Variants in GREB1L observed in about 807,000 individuals in gnomAD.
GREB1L encodes GREB1-like protein.
A neutral mutation model predicts 200.8 loss-of-function variants in GREB1L; 17 were observed. The observed-to-expected ratio is 0.08, with a 90% CI of 0.06 to 0.13. The LOEUF (loss-of-function observed/expected upper bound fraction) is 0.13, where lower values mean the gene tolerates loss of function less well. GREB1L is among the 10% of genes least tolerant of loss of function. GREB1L has a pLI of 1.00. For synonymous variants in GREB1L, 789 were observed against 893.0 expected, an observed-to-expected ratio of 0.88 and a Z score of 2.08; for missense variants, 1,657 against 2,367.7, an observed-to-expected ratio of 0.70 and a Z score of 6.23.
Position 21,327,956 on chromosome 18 carries a change from C to T in GREB1L, c.-119-38071C>T, listed in dbSNP as rs187581399. On this transcript the variant is annotated intron_variant, in intron 1 of 32. Coordinates refer to ENST00000424526, the MANE Select transcript of GREB1L (RefSeq NM_001142966.3). ...GTCTTGATCTCCTGACCTCGTGATC[C>T]GCCCGCCTCAGCCTCCCAAAGTGCT... is the stretch of plus-strand genomic sequence containing the variant. Among the ~76,000 whole-genome samples, 95 of 152,216 alleles carry T rather than the reference C, an allele frequency of 6.2e-4. 1 individual carries two copies. Among genetic ancestry groups the T allele is most frequent in the African/African-American group, 2.1e-3 (87 of 41,542 alleles).
chr18:21,252,007 T>C (rs1450871042), intron 1 of GREB1L, among the ~76,000 whole-genome samples: 1 of 150,620 alleles, frequency 6.6e-6, no homozygotes, highest in African/African-American at 2.5e-5. Context: ...AAAATGGTAA[T>C]AAAATATTTT....
intron 1 of GREB1L, among the ~76,000 whole-genome samples, chr18:21,305,435 A>C (rs2038684464): frequency 6.6e-6 from 1 of 152,114 alleles, no homozygotes; most frequent in African/African-American, 2.4e-5. Flanking sequence ...TCAGTTATTG[A>C]CAATATCTAC....
rs191590756 is a variant in GREB1L at position 21,244,195 on chromosome 18, C to T, written c.-120+1802C>T. Reference sequence around the variant, plus strand: ...ACTATTAAACTAATATCTCCTCCTGCACACACACCAGTTTCCCTACACTGG... The same window carrying T: ...ACTATTAAACTAATATCTCCTCCTGTACACACACCAGTTTCCCTACACTGG... On this transcript the variant is annotated intron_variant, in intron 1 of 32. Transcript: ENST00000424526. 1.7e-4 allele frequency among the ~76,000 whole-genome samples: 26 copies of T among 152,058 alleles called. 1 individual carries two copies. The highest frequency in any genetic ancestry group is 1.6e-3 in the Admixed American group (24 of 15,264).
intron 17 of GREB1L, among the ~76,000 whole-genome samples, chr18:21,481,227 G>A (rs899479451): frequency 6.6e-6 from 1 of 152,030 alleles, no homozygotes. Flanking sequence ...GGAAGGCCTG[G>A]GCAGGGGGAT....
At chr18:21,309,700 C>T (rs1329677643) in intron 1 of GREB1L, among the ~76,000 whole-genome samples, 2 of 152,066 alleles carry the variant, frequency 1.3e-5, no homozygotes, top group African/African-American at 4.8e-5. Context: ...ATATTTCTCC[C>T]ATTTTCTCTC....
chr18:21,447,383 C>G (rs558705888), intron 11 of GREB1L, among the ~76,000 whole-genome samples: 1 of 152,294 alleles, frequency 6.6e-6, no homozygotes, highest in East Asian at 1.9e-4. Flanking sequence ...TAAGAAGTCT[C>G]TTACCTCATT....
intron 1 of GREB1L, among the ~76,000 whole-genome samples, chr18:21,268,327 T>C (rs954213367): frequency 2.6e-5 from 4 of 151,540 alleles, no homozygotes; most frequent in Non-Finnish European, 5.9e-5. Flanking sequence ...ACTTATGGAA[T>C]CAAGCTGAAT....
chr18:21,421,862 CAG>C (rs1365442961), intron 7 of GREB1L, among the ~76,000 whole-genome samples: 1 of 152,126 alleles, frequency 6.6e-6, no homozygotes, highest in Non-Finnish European at 1.5e-5. Flanking sequence ...TTTGGGCTAA[CAG>C]AAAGTAATTG....
intron 1 of GREB1L, among the ~76,000 whole-genome samples, chr18:21,271,562 G>GGA (rs2038078512): frequency 6.6e-6 from 1 of 151,108 alleles, no homozygotes; most frequent in African/African-American, 2.4e-5. Flanking sequence ...TGAGGTGGGA[G>GGA]GATACCTTGG....
At position 21,473,119 on chromosome 18, in the gene GREB1L, A is replaced by G. The variant is rs1170785798; in HGVS notation, c.2271A>G (p.Gln757=). 2 of 1,551,032 alleles carry G rather than the reference A, an allele frequency of 1.3e-6. No homozygotes were observed. Among genetic ancestry groups the G allele is most frequent in the East Asian group, 4.9e-5 (2 of 40,908 alleles). The change falls in exon 16 of 33, where the codon CAA becomes CAG. Residue 757 remains glutamine (Q), a synonymous_variant. Coordinates refer to ENST00000424526, the MANE Select transcript of GREB1L (RefSeq NM_001142966.3). ...TTGTTCGTCTAGACAATGAGATTCA[A>G]ACCAAGTTTGAAGTTTTTATGAGGA... ...KYVVRLDNEI[Q]TKFEVFMRRV...
intron 1 of GREB1L, among the ~76,000 whole-genome samples, chr18:21,279,707 AG>A: frequency 6.6e-6 from 1 of 152,048 alleles, no homozygotes; most frequent in Non-Finnish European, 1.5e-5. Flanking sequence ...GGTTTTTCAC[AG>A]GATCGATCAT....
intron 11 of GREB1L, among the ~76,000 whole-genome samples, chr18:21,444,840 A>G (rs901182922): frequency 6.6e-6 from 1 of 152,032 alleles, no homozygotes; most frequent in Non-Finnish European, 1.5e-5. Context: ...TAGCCTTTTT[A>G]TCTTGTTTAT....
intron 1 of GREB1L, among the ~76,000 whole-genome samples, chr18:21,352,723 T>G (rs2039451704): frequency 6.6e-6 from 1 of 151,820 alleles, no homozygotes; most frequent in South Asian, 2.1e-4. Context: ...CATGAGCCAC[T>G]GCACCCGGCT....
Position 21,357,582 on chromosome 18 carries a change from A to G in GREB1L, c.-119-8445A>G, listed in dbSNP as rs185047017. ...CAGACCAATGTCATGAGCTTTTCCC[A>G]TGTTTTCGTCTAGTAGTTTTATAGC... On this transcript the variant is annotated intron_variant, in intron 1 of 32. Transcript: ENST00000424526. Among the ~76,000 whole-genome samples, 35 of 152,228 alleles carry G rather than the reference A, an allele frequency of 2.3e-4. No individual in the cohort carries two copies. The East Asian group carries it at 3.9e-3, about 17-fold the overall frequency.
intron 15 of GREB1L, among the ~76,000 whole-genome samples, chr18:21,457,530 T>C (rs1048015320): frequency 2.0e-5 from 3 of 152,230 alleles, no homozygotes; most frequent in Non-Finnish European, 4.4e-5. Flanking sequence ...AATGTTGGCA[T>C]TAACAAATAA....
Position 21,452,234 on chromosome 18 carries a change from C to G in GREB1L, c.1984+17C>G. 2 of 1,549,856 alleles carry G rather than the reference C, an allele frequency of 1.3e-6. No individual in the cohort carries two copies. Among genetic ancestry groups the G allele is most frequent in the South Asian group, 2.4e-5 (2 of 83,734 alleles). On this transcript the variant is annotated intron_variant, in intron 14 of 32. Coordinates refer to ENST00000424526, the MANE Select transcript of GREB1L (RefSeq NM_001142966.3). The stretch of plus-strand genomic sequence containing the variant: ...AAAACCTGGGTAATGTCATCTCAGA[C>G]CAAGAGGAGGAAGTCAGTCCTTGGG...
In GREB1L at chr18:21,397,524, C is replaced by CAA. The variant is rs10719044; in HGVS notation, c.532+1981_532+1982dup. 7.0e-3 allele frequency among the ~76,000 whole-genome samples: 722 copies of CAA among 103,334 alleles called. 8 individuals carry two copies. The highest frequency in any genetic ancestry group is 0.021 in the African/African-American group (613 of 29,338). 67.8% of individuals were successfully genotyped at this position (103,334 alleles called of 152,430 possible). A position where few individuals can be genotyped will look rare whatever the true frequency, so the allele number is the denominator to read the frequency against. On this transcript the variant is annotated intron_variant, in intron 5 of 32. Transcript: ENST00000424526. Reference sequence around the variant, plus strand: ...TGGGGGACAGAGCGAGACTCCGTCTCAAAAAAAAAAAAAAAAAAATAATAA... The same window carrying CAA: ...TGGGGGACAGAGCGAGACTCCGTCTCAAAAAAAAAAAAAAAAAAAAATAATAA...
intron 1 of GREB1L, among the ~76,000 whole-genome samples, chr18:21,249,267 TG>T (rs1341631215): frequency 2.4e-4 from 37 of 152,070 alleles, no homozygotes; most frequent in Non-Finnish European, 1.6e-4. Context: ...TATAGTAGGA[TG>T]GGTTGACTTT....
At chr18:21,517,900 T>C in intron 30 of GREB1L, 134 bp from the exon 31 acceptor site, 1 of 668,458 alleles carries the variant, frequency 1.5e-6, no homozygotes, top group Non-Finnish European at 2.6e-6. Flanking sequence ...TTTACTAACA[T>C]ACATTTGAAC....
Sources: allele counts gnomAD v4.1 joint callset (sites outside exome capture counted in the v4.1 genomes callset), GRCh38; gene constraint gnomAD v4.1.1; transcripts MANE v1.5; gene names NCBI Gene and HGNC (gene_info 2026-07-23, HGNC 2026-07-21).